Variants in MIGA1 observed in about 807,000 individuals in gnomAD.
MIGA1 encodes family with sequence similarity 73, member A.
A neutral mutation model predicts 82.0 loss-of-function variants in MIGA1; 58 were observed. The observed-to-expected ratio is 0.71, with a 90% CI of 0.57 to 0.88. The LOEUF is 0.88. Among genes scored for constraint, MIGA1 ranks in the 40% least tolerant of loss-of-function variants. MIGA1 has a pLI of 0.00. For missense variants in MIGA1, 751 were observed against 749.1 expected (o/e 1.00, Z -0.03); for synonymous variants, 249 against 253.6 (o/e 0.98, Z 0.17).
intron 3 of MIGA1, among the ~76,000 whole-genome samples, chr1:77,801,745 A>C (rs745502564): frequency 2.6e-5 from 4 of 152,178 alleles, no homozygotes; most frequent in African/African-American, 9.6e-5. Context: ...ATATCAGTCC[A>C]CTTATATTTG....
intron 7 of MIGA1, among the ~76,000 whole-genome samples, chr1:77,835,972 A>G (rs997905087): frequency 1.3e-5 from 2 of 152,160 alleles, no homozygotes; most frequent in Non-Finnish European, 2.9e-5. Context: ...AAAGAAAAAA[A>G]GAAAGAAACG....
intron 7 of MIGA1, among the ~76,000 whole-genome samples, chr1:77,823,003 A>T (rs1471895168): frequency 2.0e-5 from 3 of 151,004 alleles, no homozygotes; most frequent in African/African-American, 4.9e-5. Flanking sequence ...CCACCACGCC[A>T]GGCTAATTTT....
At chr1:77,847,238 G>A (rs1684877863) in intron 8 of MIGA1, 3 of 1,069,226 alleles carry the variant, frequency 2.8e-6, no homozygotes, top group African/African-American at 1.6e-5. Flanking sequence ...ATGAGTGAAA[G>A]CCTTCAGAGG....
chr1:77,781,687 A>G (rs550855764), intron 1 of MIGA1, among the ~76,000 whole-genome samples: 1 of 152,332 alleles, frequency 6.6e-6, no homozygotes, highest in South Asian at 2.1e-4. Flanking sequence ...ACTGAAATAA[A>G]TGTATGTCAA....
intron 7 of MIGA1, among the ~76,000 whole-genome samples, chr1:77,837,506 T>C (rs1294281093): frequency 6.6e-6 from 1 of 152,164 alleles, no homozygotes; most frequent in Non-Finnish European, 1.5e-5. Context: ...TCCTGATACA[T>C]AAAATGAGAA....
At chr1:77,871,497 G>A (rs914881586) in intron 14 of MIGA1, among the ~76,000 whole-genome samples, 3 of 151,066 alleles carry the variant, frequency 2.0e-5, no homozygotes, top group Admixed American at 6.6e-5. Context: ...GTGAGACTCC[G>A]TCTCAGAAAA....
At chr1:77,842,547 T>C (rs1297516415) in intron 7 of MIGA1, among the ~76,000 whole-genome samples, 1 of 152,146 alleles carries the variant, frequency 6.6e-6, no homozygotes, top group Non-Finnish European at 1.5e-5. Flanking sequence ...GAATTGTTTT[T>C]TTTTGTTGTT....
intron 7 of MIGA1, among the ~76,000 whole-genome samples, chr1:77,840,295 T>C (rs1273290767): frequency 6.6e-6 from 1 of 152,330 alleles, no homozygotes; most frequent in East Asian, 1.9e-4. Flanking sequence ...GTGAGCCATT[T>C]TTCTTTGTTA....
At chr1:77,872,239 G>A (rs1195242657) in intron 14 of MIGA1, among the ~76,000 whole-genome samples, 1 of 152,090 alleles carries the variant, frequency 6.6e-6, no homozygotes, top group Non-Finnish European at 1.5e-5. Context: ...AAAAGTGTTG[G>A]GATTATAGGC....
chr1:77,874,764 C>A, intron 15 of MIGA1, 82 bp from the exon 16 acceptor site: 1 of 934,198 alleles, frequency 1.1e-6, no homozygotes, highest in Non-Finnish European at 1.7e-6. Context: ...AGTCCTGATT[C>A]AGTGCTCATT....
At chr1:77,800,716 G>C (rs1682843732) in intron 2 of MIGA1, among the ~76,000 whole-genome samples, 1 of 152,130 alleles carries the variant, frequency 6.6e-6, no homozygotes, top group African/African-American at 2.4e-5. Context: ...CTGCTTGAGG[G>C]AAATAGAAGA....
chr1:77,795,104 C>T (rs1682598700), intron 2 of MIGA1, among the ~76,000 whole-genome samples: 2 of 151,916 alleles, frequency 1.3e-5, no homozygotes, highest in South Asian at 2.1e-4. Context: ...GCTGGGACTA[C>T]AGGCGCATGC....
chr1:77,833,445 T>G (rs1684316478), intron 7 of MIGA1, among the ~76,000 whole-genome samples: 2 of 152,178 alleles, frequency 1.3e-5, no homozygotes, highest in African/African-American at 4.8e-5. Flanking sequence ...TGAAAATTGT[T>G]GGGGTCCCAG....
intron 14 of MIGA1, among the ~76,000 whole-genome samples, chr1:77,867,371 CTGGAGTGCCG>C (rs112361938): frequency 2.0e-5 from 3 of 152,324 alleles, no homozygotes; most frequent in African/African-American, 7.2e-5. Flanking sequence ...GTCATTCAGG[CTGGAGTGCCG>C]TGGCATGATC....
At chr1:77,849,816 A>G (rs1340490519) in intron 8 of MIGA1, among the ~76,000 whole-genome samples, 2 of 152,066 alleles carry the variant, frequency 1.3e-5, no homozygotes, top group African/African-American at 4.8e-5. Context: ...ATGGGTGATC[A>G]CCTGAGGTCA....
chr1:77,780,048 C>T (rs1663354207), intron 1 of MIGA1: 2 of 1,125,638 alleles, frequency 1.8e-6, no homozygotes, highest in Non-Finnish European at 1.1e-6. Context: ...GGGATGGGCT[C>T]GCCACTGCTC....
chr1:77,813,733 G>C lies in MIGA1; in HGVS notation c.638-1G>C. 1.2e-6 allele frequency: 2 copies of C among 1,613,056 alleles called. No individual in the cohort carries two copies. Among genetic ancestry groups the C allele is most frequent in the Non-Finnish European group, 1.7e-6 (2 of 1,179,582 alleles). ...AAAATTGTTCTGTTCTTAATTTTTA[G>C]GTATGGAATTGTTTGAAGAGGCATT... On this transcript the variant is annotated splice_acceptor_variant, in intron 5 of 15. Coordinates refer to ENST00000370791, the MANE Select transcript of MIGA1 (RefSeq NM_198549.4). LOFTEE classifies it high-confidence loss of function.
chr1:77,841,830 A>C, intron 7 of MIGA1, among the ~76,000 whole-genome samples: 1 of 139,420 alleles, frequency 7.2e-6, no homozygotes. Context: ...ACAAGGTCTC[A>C]CTCTGACATC....
chr1:77,784,386 C>G (rs1014618248), intron 2 of MIGA1, among the ~76,000 whole-genome samples: 1 of 151,988 alleles, frequency 6.6e-6, no homozygotes, highest in African/African-American at 2.4e-5. Flanking sequence ...CACCATCTCT[C>G]CACCAGTTTT....
Sources: gnomAD v4.1 joint callset for allele counts (sites outside exome capture counted in the v4.1 genomes callset) on GRCh38, gnomAD v4.1.1 for gene constraint, MANE v1.5 for transcripts, NCBI Gene and HGNC (gene_info 2026-07-23, HGNC 2026-07-21) for gene names.